FAM13A: variants seen among roughly 807,000 people sequenced by gnomAD.
FAM13A encodes family with sequence similarity 13 member A, also known as protein FAM13A.
Under a neutral mutation model 129.6 loss-of-function variants are expected in FAM13A, and 76 were observed. The ratio of observed to expected loss-of-function variants is 0.59; its 90% CI spans 0.49 to 0.71. The LOEUF is 0.71. Ranked by LOEUF, FAM13A falls within the 30% of genes least tolerant of loss-of-function variation. The pLI, the probability that FAM13A is intolerant of heterozygous loss-of-function variation, is 0.00. For missense variants in FAM13A, 1,108 were observed against 1,249.3 expected, an observed-to-expected ratio of 0.89 and a Z score of 1.70; for synonymous variants, 443 against 449.9, an observed-to-expected ratio of 0.98 and a Z score of 0.20.
chr4:89,002,175 G>GC (rs1445633181), intron 3 of FAM13A, among the ~76,000 whole-genome samples: 36 of 53,250 alleles, frequency 6.8e-4, no homozygotes, highest in Non-Finnish European at 9.6e-4. Flanking sequence ...GCACCCAACG[G>GC]CAAAAAAAAA....
intron 6 of FAM13A, among the ~76,000 whole-genome samples, chr4:88,884,091 T>G (rs904264089): frequency 6.6e-6 from 1 of 152,006 alleles, no homozygotes; most frequent in Non-Finnish European, 1.5e-5. Context: ...CAAAGAAGAA[T>G]TGGTACCAAT....
intron 1 of FAM13A, among the ~76,000 whole-genome samples, chr4:89,051,419 G>A (rs1402426873): frequency 6.6e-6 from 1 of 152,140 alleles, no homozygotes; most frequent in Non-Finnish European, 1.5e-5. Flanking sequence ...CATCACATTG[G>A]AGAATAGGTT....
At chr4:88,996,806 T>G (rs1311603649) in intron 3 of FAM13A, among the ~76,000 whole-genome samples, 1 of 152,146 alleles carries the variant, frequency 6.6e-6, no homozygotes, top group Non-Finnish European at 1.5e-5. Context: ...AGTTGGTGGT[T>G]GAGTTTCAAC....
chr4:88,834,072 TTTTTTTTTTTAC>T, intron 7 of FAM13A, among the ~76,000 whole-genome samples: 1 of 144,428 alleles, frequency 6.9e-6, no homozygotes, highest in East Asian at 2.0e-4. Context: ...TTTTTTTTTT[TTTTTTTTTTTAC>T]TTTTTTTTGT....
intron 9 of FAM13A, among the ~76,000 whole-genome samples, chr4:88,788,561 T>C (rs934349159): frequency 1.3e-5 from 2 of 152,160 alleles, no homozygotes; most frequent in African/African-American, 4.8e-5. Flanking sequence ...AACATATTAC[T>C]GAAATTGGAA....
intron 8 of FAM13A, among the ~76,000 whole-genome samples, chr4:88,799,200 T>C (rs1726891335): frequency 6.6e-6 from 1 of 152,206 alleles, no homozygotes; most frequent in Admixed American, 6.5e-5. Flanking sequence ...CATTCCTCAG[T>C]TATACTGTTG....
At chr4:88,915,893 T>C (rs1750034815) in intron 5 of FAM13A, among the ~76,000 whole-genome samples, 1 of 152,206 alleles carries the variant, frequency 6.6e-6, no homozygotes, top group Non-Finnish European at 1.5e-5. Context: ...TCTCTTGCCA[T>C]GTGACCTCTG....
rs1772298599 is a variant in FAM13A at position 89,057,183 on chromosome 4, G to A, written c.-219C>T. On this transcript the variant is annotated 5_prime_UTR_variant, in exon 1 of 24. Coordinates refer to ENST00000264344, the MANE Select transcript of FAM13A (RefSeq NM_014883.4). ...CACATGGCTGGAAGGACTGCCTGGA[G>A]TTGAAATTTGATCCACAGCCTCAGT... 7.1e-7 allele frequency: 1 copy of A among 1,400,948 alleles called. No homozygotes were observed. The highest frequency in any genetic ancestry group is 1.6e-5 in the South Asian group (1 of 61,064). 86.8% of individuals were successfully genotyped at this position (1,400,948 alleles called of 1,614,324 possible).
intron 6 of FAM13A, among the ~76,000 whole-genome samples, chr4:88,861,506 T>C (rs1394838686): frequency 4.6e-5 from 7 of 151,670 alleles, no homozygotes; most frequent in African/African-American, 9.7e-5. Flanking sequence ...ATAAAAATAA[T>C]AAAAGACTGT....
chr4:88,758,943 C>A, intron 13 of FAM13A, 42 bp from the exon 14 acceptor site: 1 of 1,592,702 alleles, frequency 6.3e-7, no homozygotes, highest in Non-Finnish European at 8.6e-7. Flanking sequence ...TACTGCTCAC[C>A]AAAACCCCAA....
At chr4:88,827,552 T>C (rs934236184) in intron 7 of FAM13A, among the ~76,000 whole-genome samples, 3 of 152,178 alleles carry the variant, frequency 2.0e-5, no homozygotes, top group African/African-American at 7.2e-5. Flanking sequence ...ATTCAAGACT[T>C]CATATTATCT....
chr4:88,817,234 G>A (rs1730932286), intron 7 of FAM13A, among the ~76,000 whole-genome samples: 2 of 152,154 alleles, frequency 1.3e-5, no homozygotes, highest in Admixed American at 6.5e-5. Context: ...ATATTTGTAT[G>A]ATATGTGAAT....
intron 5 of FAM13A, among the ~76,000 whole-genome samples, chr4:88,927,673 A>AT (rs942712018): frequency 2.4e-4 from 36 of 151,116 alleles, no homozygotes; most frequent in Admixed American, 4.6e-4. Flanking sequence ...GTCTTTGATG[A>AT]TTTTTTTTAT....
At chr4:88,805,290 C>T (rs1250445159) in intron 7 of FAM13A, among the ~76,000 whole-genome samples, 1 of 152,174 alleles carries the variant, frequency 6.6e-6, no homozygotes. Context: ...TAATTCACAT[C>T]ACACTTTCAA....
intron 6 of FAM13A, among the ~76,000 whole-genome samples, chr4:88,874,713 G>A (rs1374718859): frequency 6.6e-6 from 1 of 152,070 alleles, no homozygotes; most frequent in African/African-American, 2.4e-5. Context: ...TGGCCATACC[G>A]CCCAAGGTAA....
intron 21 of FAM13A, among the ~76,000 whole-genome samples, chr4:88,735,461 T>TA (rs1738790968): frequency 6.6e-6 from 1 of 152,228 alleles, no homozygotes; most frequent in Non-Finnish European, 1.5e-5. Context: ...ACAATGTCTC[T>TA]ATTCTGCCAG....
intron 6 of FAM13A, among the ~76,000 whole-genome samples, chr4:88,875,375 T>A (rs1319599864): frequency 2.6e-5 from 4 of 151,964 alleles, no homozygotes; most frequent in Non-Finnish European, 5.9e-5. Context: ...TGGGAGAAAA[T>A]TTTTGCAATC....
chr4:88,810,664 T>C (rs1265102739), intron 7 of FAM13A, among the ~76,000 whole-genome samples: 2 of 152,186 alleles, frequency 1.3e-5, no homozygotes, highest in Non-Finnish European at 2.9e-5. Context: ...ATGCTAAGAC[T>C]ATAATCAATT....
At chr4:88,974,514 G>C (rs1040851353) in intron 4 of FAM13A, among the ~76,000 whole-genome samples, 4 of 151,966 alleles carry the variant, frequency 2.6e-5, no homozygotes, top group African/African-American at 4.8e-5. Flanking sequence ...CTCTCGCTCT[G>C]TCGCCCAGGC....
Sources: gnomAD v4.1 joint callset for allele counts (sites outside exome capture counted in the v4.1 genomes callset) on GRCh38, gnomAD v4.1.1 for gene constraint, MANE v1.5 for transcripts, NCBI Gene and HGNC (gene_info 2026-07-23, HGNC 2026-07-21) for gene names.